The following MAPK10 variants were observed in gnomAD, a reference collection of about 807,000 sequenced individuals.
The protein encoded by MAPK10 is JNK3 alpha protein kinase.
MAPK10 carries 25 observed loss-of-function variants against 59.3 expected under a neutral mutation model. The observed-to-expected ratio is 0.42, with a 90% CI of 0.31 to 0.59. The LOEUF is 0.59. Among genes scored for constraint, MAPK10 ranks in the 20% least tolerant of loss-of-function variants. The pLI, the probability that MAPK10 is intolerant of heterozygous loss-of-function variation, is 0.15. For synonymous variants in MAPK10, 190 were observed against 200.5 expected, an observed-to-expected ratio of 0.95 and a Z score of 0.44; for missense variants, 351 against 568.9, an observed-to-expected ratio of 0.62 and a Z score of 3.90.
Position 86,472,434 on chromosome 4 carries a change from GAC to G in MAPK10, c.-262-117792_-262-117791del, listed in dbSNP as rs1297724277. Among the ~76,000 whole-genome samples, 10 of 152,184 alleles carry G rather than the reference GAC, an allele frequency of 6.6e-5. No homozygotes were observed. The East Asian group carries it at 1.2e-3, about 18-fold the overall frequency. On this transcript the variant is annotated intron_variant, in intron 1 of 4. Transcript: ENST00000502302. ...AAAAAATTACAGACTACAGAAAAAA[GAC>G]AAAGCTGTGACCAGCCTGGGCAACA...
intron 9 of MAPK10, among the ~76,000 whole-genome samples, chr4:86,091,770 T>C: frequency 6.6e-6 from 1 of 151,750 alleles, no homozygotes; most frequent in Non-Finnish European, 1.5e-5. Context: ...GCCCCCTGGG[T>C]TCAAGTGATT....
intron 1 of MAPK10, among the ~76,000 whole-genome samples, chr4:86,479,967 C>T (rs1753460428): frequency 6.6e-6 from 1 of 152,112 alleles, no homozygotes; most frequent in African/African-American, 2.4e-5. Flanking sequence ...AGAAACATCG[C>T]CCATTATCTC....
intron 11 of MAPK10, among the ~76,000 whole-genome samples, chr4:86,050,647 T>A (rs554325010): frequency 1.3e-5 from 2 of 152,262 alleles, no homozygotes; most frequent in South Asian, 4.1e-4. Flanking sequence ...AGCTTAGCCT[T>A]CCATTCTTGG....
chr4:86,131,128 G>C (rs1255571594), intron 4 of MAPK10, among the ~76,000 whole-genome samples: 1 of 145,988 alleles, frequency 6.8e-6, no homozygotes, highest in African/African-American at 2.6e-5. Context: ...GGTGGTTGGA[G>C]AATTACTGAA....
At chr4:86,592,937 T>G (rs972614703) in intron 1 of MAPK10, among the ~76,000 whole-genome samples, 1 of 152,238 alleles carries the variant, frequency 6.6e-6, no homozygotes, top group Non-Finnish European at 1.5e-5. Context: ...GAGTGCTAGT[T>G]TTCTTTCTTA....
At chr4:86,393,852 A>G (rs1742553754) in intron 1 of MAPK10, among the ~76,000 whole-genome samples, 4 of 152,242 alleles carry the variant, frequency 2.6e-5, no homozygotes, top group Admixed American at 2.0e-4. Flanking sequence ...CACCTTCTGC[A>G]TGTCTCACTA....
chr4:86,293,021 T>C (rs2095268912), intron 2 of MAPK10, among the ~76,000 whole-genome samples: 1 of 152,224 alleles, frequency 6.6e-6, no homozygotes, highest in East Asian at 1.9e-4. Flanking sequence ...CTAACCTAAA[T>C]GTTTTTCTCT....
chr4:86,455,757 A>G (rs984310886), upstream of MAPK10, among the ~76,000 whole-genome samples: 3 of 152,188 alleles, frequency 2.0e-5, no homozygotes, highest in African/African-American at 7.2e-5. Context: ...ATCAAGACAG[A>G]AAGGCAACAA....
Position 86,359,640 on chromosome 4 carries a change from G to T in MAPK10, c.-122+18C>A, listed in dbSNP as rs553351193. On this transcript the variant is annotated intron_variant, in intron 1 of 13. Coordinates refer to ENST00000641462, the MANE Select transcript of MAPK10 (RefSeq NM_138982.4). ...CCAAAAACAGGTTAGAACCCAGAAC[G>T]AGCAAAGAGCCACCTACCATTCCGT... 8.1e-6 allele frequency: 8 copies of T among 982,342 alleles called. No individual in the cohort carries two copies. The African/African-American group carries it at 1.4e-4, about 17-fold the overall frequency. 60.9% of individuals were successfully genotyped at this position (982,342 alleles called of 1,614,324 possible). A position where few individuals can be genotyped will look rare whatever the true frequency, so the allele number is the denominator to read the frequency against.
Position 86,012,330 on chromosome 4 carries a change from T to C in MAPK10, c.*4898A>G, listed in dbSNP as rs1560461942. Reference sequence around the variant, plus strand: ...ATTTCTTATTTATTCCCTGGCACAATCAGACCACACTACAAGTTTCTTTTA... The same window carrying C: ...ATTTCTTATTTATTCCCTGGCACAACCAGACCACACTACAAGTTTCTTTTA... On this transcript the variant is annotated 3_prime_UTR_variant, in exon 14 of 14. Transcript: ENST00000641462. 6.6e-6 allele frequency: 1 copy of C among 152,148 alleles called. No homozygotes were observed. The highest frequency in any genetic ancestry group is 1.5e-5 in the Non-Finnish European group (1 of 68,014). 9.4% of individuals were successfully genotyped at this position (152,148 alleles called of 1,614,324 possible). A position where few individuals can be genotyped will look rare whatever the true frequency, so the allele number is the denominator to read the frequency against.
At chr4:86,482,137 T>C (rs1231063937) in intron 1 of MAPK10, among the ~76,000 whole-genome samples, 1 of 152,188 alleles carries the variant, frequency 6.6e-6, no homozygotes, top group Non-Finnish European at 1.5e-5. Context: ...CCATGAAAAC[T>C]CTTACAAGTT....
chr4:86,027,652 A>C (rs1751029058), intron 13 of MAPK10: 1 of 152,238 alleles, frequency 6.6e-6, no homozygotes, highest in South Asian at 2.1e-4. Context: ...AAATATGCTG[A>C]GGGAGAAATT....
At chr4:86,401,513 T>C (rs374119650) in intron 1 of MAPK10, among the ~76,000 whole-genome samples, 9 of 152,190 alleles carry the variant, frequency 5.9e-5, no homozygotes, top group Admixed American at 4.6e-4. Context: ...GATAAATTTC[T>C]TACATATCTT....
chr4:86,076,191 A>C (rs1423316063), intron 9 of MAPK10, among the ~76,000 whole-genome samples: 1 of 152,136 alleles, frequency 6.6e-6, no homozygotes, highest in Admixed American at 6.5e-5. Context: ...TTTGACTCGG[A>C]AAGGGAACTC....
intron 1 of MAPK10, among the ~76,000 whole-genome samples, chr4:86,493,083 C>A (rs1027771726): frequency 6.6e-6 from 1 of 152,210 alleles, no homozygotes; most frequent in Non-Finnish European, 1.5e-5. Flanking sequence ...GCTGAATGTT[C>A]AAACTGCGTT....
rs2095345871 is a variant in MAPK10 at position 86,295,766 on chromosome 4, T to TA, written c.-7+58763_-7+58764insT. ...TTTATATATATTTTATATATATATA[T>TA]TTTATATATATATATATTCTCTATA... On this transcript the variant is annotated intron_variant, in intron 2 of 13. Transcript: ENST00000641462. Among the ~76,000 whole-genome samples, 4 of 144,428 alleles carry TA rather than the reference T, an allele frequency of 2.8e-5. 1 individual carries two copies. The highest frequency in any genetic ancestry group is 1.0e-4 in the African/African-American group (4 of 38,152). 94.8% of individuals were successfully genotyped at this position (144,428 alleles called of 152,430 possible). A position where few individuals can be genotyped will look rare whatever the true frequency, so the allele number is the denominator to read the frequency against.
At chr4:86,501,129 A>C (rs59377089) in intron 1 of MAPK10, among the ~76,000 whole-genome samples, 21 of 148,714 alleles carry the variant, frequency 1.4e-4, no homozygotes, top group South Asian at 2.1e-4. Context: ...AAAAAAAAAA[A>C]AAAAAAAAAA....
chr4:86,272,666 C>A (rs577016599), intron 2 of MAPK10, among the ~76,000 whole-genome samples: 72 of 152,056 alleles, frequency 4.7e-4, no homozygotes, highest in Non-Finnish European at 7.9e-4. Context: ...TAATGTAACT[C>A]TTGTCTGTAT....
intron 1 of MAPK10, among the ~76,000 whole-genome samples, chr4:86,451,900 T>C (rs1364439227): frequency 6.6e-6 from 1 of 152,106 alleles, no homozygotes; most frequent in Non-Finnish European, 1.5e-5. Context: ...TGACAGCTCA[T>C]CTGGGGCCTG....
Sources: allele counts gnomAD v4.1 joint callset (sites outside exome capture counted in the v4.1 genomes callset), GRCh38; gene constraint gnomAD v4.1.1; transcripts MANE v1.5; gene names NCBI Gene and HGNC (gene_info 2026-07-23, HGNC 2026-07-21).